The following JAKMIP3 variants were observed in gnomAD, a reference collection of about 807,000 sequenced individuals.
JAKMIP3 encodes the protein janus kinase and microtubule-interacting protein 3.
JAKMIP3 carries 58 observed loss-of-function variants against 118.5 expected under a neutral mutation model. The ratio of observed to expected loss-of-function variants is 0.49; its 90% CI spans 0.40 to 0.61. JAKMIP3 has a LOEUF of 0.61. JAKMIP3 is among the 20% of genes least tolerant of loss of function. The pLI is 0.00. For missense variants in JAKMIP3, 950 were observed against 1,109.0 expected, an observed-to-expected ratio of 0.86 and a Z score of 2.04; for synonymous variants, 486 against 451.2, an observed-to-expected ratio of 1.08 and a Z score of -0.98.
chr10:132,092,587 G>A (rs1278049138), intron 1 of JAKMIP3, among the ~76,000 whole-genome samples: 2 of 152,158 alleles, frequency 1.3e-5, no homozygotes, highest in Middle Eastern at 3.2e-3. Flanking sequence ...CATTTGTCAC[G>A]TAGTTCTCGT....
In JAKMIP3 at chr10:132,147,604, C is replaced by A. The variant is rs1050767022; in HGVS notation, c.1750-348C>A. ...GAGCCCCGCTAAGGCCCCCGTGCTC[C>A]TGGCTTGTGATGTACAGCCCCTGCT... On this transcript the variant is annotated intron_variant, in intron 13 of 23. Coordinates refer to ENST00000684848, the MANE Select transcript of JAKMIP3 (RefSeq NM_001323087.2). Among the ~76,000 whole-genome samples the A allele has an allele frequency of 2.0e-5, 3 of 152,202 alleles. No homozygotes were observed. In the South Asian group the frequency reaches 6.2e-4, roughly 32 times the overall value.
At chr10:132,103,017 T>C (rs996100926) in intron 1 of JAKMIP3, among the ~76,000 whole-genome samples, 1 of 150,836 alleles carries the variant, frequency 6.6e-6, no homozygotes. Context: ...TGGGCCTGTG[T>C]TCATCAGGAA....
At chr10:132,161,083 C>G (rs1430345393) in intron 19 of JAKMIP3, among the ~76,000 whole-genome samples, 6 of 84,330 alleles carry the variant, frequency 7.1e-5, no homozygotes, top group African/African-American at 1.4e-4. Context: ...CTGGGGGGGC[C>G]TCTTCCTGTG....
intron 14 of JAKMIP3, among the ~76,000 whole-genome samples, chr10:132,148,585 G>T (rs118144249): frequency 0.12 from 17,545 of 152,240 alleles, 1,344 homozygotes; most frequent in Non-Finnish European, 0.16. Context: ...GGCCTCCGCC[G>T]TCGGCAGACG....
At chr10:132,174,544 C>T (rs1005953056) in intron 23 of JAKMIP3, among the ~76,000 whole-genome samples, 10 of 152,078 alleles carry the variant, frequency 6.6e-5, no homozygotes, top group Non-Finnish European at 1.3e-4. Flanking sequence ...GGGTGGTTTC[C>T]GGTTTGGGGC....
chr10:132,049,214 G>A lies in JAKMIP3; in HGVS notation c.-138+12476G>A, dbSNP rs1364252143. Among the ~76,000 whole-genome samples the A allele has an allele frequency of 6.6e-6, 1 of 152,160 alleles. No homozygotes were observed. The highest frequency in any genetic ancestry group is 1.9e-4 in the East Asian group (1 of 5,192). On this transcript the variant is annotated intron_variant, in intron 1 of 23. Coordinates refer to the JAKMIP3 transcript ENST00000657785. This position sits in a 1 kb window ranked among gnomAD's most constrained non-coding sequence, Gnocchi z 4.3. ...CGGCTGGCGAGCTCTTTGCACCGTG[G>A]ATTCGGGTCTGTTTCTATGTAGGGA...
chr10:132,047,400 G>A (rs2037949373), intron 1 of JAKMIP3, among the ~76,000 whole-genome samples: 1 of 152,232 alleles, frequency 6.6e-6, no homozygotes, highest in African/African-American at 2.4e-5. Flanking sequence ...CAAAGTGGAG[G>A]AGTAGGGCAT....
intron 5 of JAKMIP3, among the ~76,000 whole-genome samples, 160 bp from the exon 6 acceptor site, chr10:132,135,770 G>A (rs1418735278): frequency 2.6e-5 from 4 of 151,802 alleles, no homozygotes; most frequent in South Asian, 2.1e-4. Context: ...TCACCCGGGC[G>A]CTGGGCCAGT....
chr10:132,130,359 C>A (rs1255222274), intron 3 of JAKMIP3, among the ~76,000 whole-genome samples: 1 of 152,240 alleles, frequency 6.6e-6, no homozygotes, highest in Non-Finnish European at 1.5e-5. Flanking sequence ...TAGGACAAAG[C>A]ACATCTCCTT....
chr10:132,110,924 G>A (rs1016294832), intron 2 of JAKMIP3, among the ~76,000 whole-genome samples: 3 of 152,246 alleles, frequency 2.0e-5, no homozygotes, highest in South Asian at 4.1e-4. Context: ...GTAAGTCACC[G>A]TGTTTTTGTC....
At chr10:132,143,103 G>A (rs182065706) in intron 11 of JAKMIP3, among the ~76,000 whole-genome samples, 6 of 151,714 alleles carry the variant, frequency 4.0e-5, no homozygotes, top group Non-Finnish European at 8.8e-5. Context: ...AAAACTAAGA[G>A]AGAGCTCCAC....
chr10:132,133,591 A>C, intron 4 of JAKMIP3, 64 bp downstream of exon 4: 1 of 1,416,622 alleles, frequency 7.1e-7, no homozygotes. Context: ...ATGTGGCTGC[A>C]TGGCCCTGCA....
rs1341396804 is a variant in JAKMIP3, at chr10:132,117,365, G to A, written c.424G>A (p.Glu142Lys). The stretch of plus-strand genomic sequence containing the variant: ...CGTGCTGCTGTCCGAGGCCAAGGAG[G>A]AGGCCAAGAAGGGGTTCGAGGTGGA... ...KTVLLSEAKE[E>K]AKKGFEVEKV... is the part of the protein sequence containing the mutation. Residue 142 changes from glutamate to lysine, a missense_variant, in exon 3 of 24, where the codon GAG (glutamate) becomes AAG (lysine). Physicochemically the swap from Glu to Lys is moderately conservative, Grantham distance 56 (BLOSUM62 1). Coordinates refer to ENST00000684848, the MANE Select transcript of JAKMIP3 (RefSeq NM_001323087.2). This position sits in a 1 kb window ranked among gnomAD's most constrained non-coding sequence, Gnocchi z 8.6. 1 of 1,613,922 alleles carries A rather than the reference G, an allele frequency of 6.2e-7. No homozygotes were observed. The highest frequency in any genetic ancestry group is 8.5e-7 in the Non-Finnish European group (1 of 1,179,918).
intron 4 of JAKMIP3, among the ~76,000 whole-genome samples, chr10:132,133,822 C>G (rs2051148021): frequency 1.3e-5 from 2 of 152,246 alleles, no homozygotes; most frequent in Admixed American, 1.3e-4. Flanking sequence ...GTTCATGGCA[C>G]TTGCTGGCCC....
At position 132,054,777 on chromosome 10, in the gene JAKMIP3, G is replaced by A. The variant is rs557623042; in HGVS notation, c.-138+18039G>A. Among the ~76,000 whole-genome samples, 117 of 152,338 alleles carry A rather than the reference G, an allele frequency of 7.7e-4. 1 individual carries two copies. Among genetic ancestry groups the A allele is most frequent in the Non-Finnish European group, 1.2e-3 (82 of 68,030 alleles). On this transcript the variant is annotated intron_variant, in intron 1 of 23. Coordinates refer to the JAKMIP3 transcript ENST00000657785. ...GACAGCACCGAAGCTGTTCCCCTGG[G>A]CTCGGGGACAGCTGCCCACTTCTTC...
chr10:132,062,068 G>A (rs2038414145), upstream of JAKMIP3, among the ~76,000 whole-genome samples: 1 of 152,136 alleles, frequency 6.6e-6, no homozygotes, highest in Non-Finnish European at 1.5e-5. Flanking sequence ...CCCAGACGAA[G>A]AAACCTGAGA....
chr10:132,099,811 ACGGCACGTTCCT>A (rs2044539765), intron 1 of JAKMIP3, among the ~76,000 whole-genome samples: 1 of 152,110 alleles, frequency 6.6e-6, no homozygotes, highest in African/African-American at 2.4e-5. Context: ...CGTGTCACGG[ACGGCACGTTCCT>A]CGGCACCCCA....
chr10:132,169,218 G>A (rs1330260917), intron 23 of JAKMIP3, among the ~76,000 whole-genome samples, 185 bp downstream of exon 23: 3 of 152,186 alleles, frequency 2.0e-5, no homozygotes, highest in Non-Finnish European at 2.9e-5. Context: ...GGTGTGGAGC[G>A]TGGCGTGAGC....
intron 1 of JAKMIP3, among the ~76,000 whole-genome samples, chr10:132,094,730 T>C (rs1345414330): frequency 6.6e-6 from 1 of 152,090 alleles, no homozygotes; most frequent in Non-Finnish European, 1.5e-5. Context: ...GAGGTGGAGC[T>C]TTCCAGAGAG....
Sources: gnomAD v4.1 joint callset for allele counts (sites outside exome capture counted in the v4.1 genomes callset) on GRCh38, gnomAD v4.1.1 for gene constraint, Gnocchi (gnomAD v3.1) non-coding constraint, MANE v1.5 for transcripts, NCBI Gene and HGNC (gene_info 2026-07-23, HGNC 2026-07-21) for gene names.